The following HBS1L variants were observed in gnomAD, a reference collection of about 807,000 sequenced individuals.
The protein encoded by HBS1L is HBS1-like protein.
HBS1L carries 55 observed loss-of-function variants against 88.9 expected under a neutral mutation model. The ratio of observed to expected loss-of-function variants is 0.62; its 90% CI spans 0.50 to 0.77. The LOEUF (loss-of-function observed/expected upper bound fraction) is 0.77. Ranked by LOEUF, HBS1L falls within the 30% of genes least tolerant of loss-of-function variation. The pLI is 0.00. For synonymous variants in HBS1L, 267 were observed against 288.5 expected (o/e 0.93, Z 0.76); for missense variants, 741 against 829.3 (o/e 0.89, Z 1.31).
At chr6:134,990,046 C>T (rs1286696174) in intron 8 of HBS1L, among the ~76,000 whole-genome samples, 1 of 152,120 alleles carries the variant, frequency 6.6e-6, no homozygotes, top group East Asian at 1.9e-4. Flanking sequence ...AATTGAAAAT[C>T]TTTTTCTCAT....
intron 12 of HBS1L, among the ~76,000 whole-genome samples, chr6:134,984,561 T>C (rs1350756630): frequency 6.6e-6 from 1 of 152,226 alleles, no homozygotes; most frequent in Admixed American, 6.5e-5. Context: ...TCTGCATTGC[T>C]GGCTCTGTGA....
chr6:135,008,561 G>A (rs567757950), intron 4 of HBS1L, among the ~76,000 whole-genome samples: 7 of 152,188 alleles, frequency 4.6e-5, no homozygotes, highest in Non-Finnish European at 8.8e-5. Context: ...TCCTTCCTGC[G>A]GCTAAGATCT....
intron 4 of HBS1L, among the ~76,000 whole-genome samples, chr6:135,031,305 C>A (rs6919862): frequency 0.47 from 71,124 of 151,704 alleles, 17,135 homozygotes; most frequent in South Asian, 0.56. Flanking sequence ...GAGAGGCTCA[C>A]AGGAACCTAC....
intron 3 of HBS1L, among the ~76,000 whole-genome samples, chr6:135,040,209 CT>C (rs1358079459): frequency 6.6e-6 from 1 of 152,068 alleles, no homozygotes; most frequent in Non-Finnish European, 1.5e-5. Flanking sequence ...CTTAAGTTTC[CT>C]TTTTGGCTAA....
In HBS1L at chr6:135,039,746, T is replaced by C. The variant is rs534774688; in HGVS notation, c.257A>G (p.Asp86Gly). Residue 86 changes from aspartate (D) to glycine (G), a missense_variant, in exon 4 of 18, where the codon GAT becomes GGT. Physicochemically the swap from Asp to Gly is moderately conservative, Grantham distance 94. Around this residue, in one of 3 missense-constraint regions of HBS1L, gnomAD observed 556 missense variants for 598.4 expected, o/e 0.93. Coordinates refer to ENST00000367837, the MANE Select transcript of HBS1L (RefSeq NM_006620.4). Reference sequence around the variant, plus strand: ...ATCTCCAAGTACCTCTCTCATGTGATCAAGGCATGAATAAAGACGAGCTAG... The same window carrying C: ...ATCTCCAAGTACCTCTCTCATGTGACCAAGGCATGAATAAAGACGAGCTAG... ...FDQARLYSCL[D>G]HMREVLGDAV... The C allele has an allele frequency of 2.5e-5, 40 of 1,613,220 alleles. No homozygotes were observed. In the East Asian group the frequency reaches 8.2e-4, roughly 33 times the overall value.
At chr6:135,017,471 T>C (rs1442595715) in intron 4 of HBS1L, among the ~76,000 whole-genome samples, 2 of 152,130 alleles carry the variant, frequency 1.3e-5, no homozygotes, top group Admixed American at 1.3e-4. Flanking sequence ...GTAATTTCAA[T>C]TTTAATTAGT....
Position 135,048,706 on chromosome 6 carries a change from T to C in HBS1L, c.109+1876A>G, listed in dbSNP as rs574013975. On this transcript the variant is annotated intron_variant, in intron 2 of 17. Transcript: ENST00000367837. ...CATTATTTGTTCTATAATACCTCAT[T>C]AACAACTTTTGATGTTAAATGTTCT... Among the ~76,000 whole-genome samples the C allele has an allele frequency of 7.9e-5, 12 of 152,346 alleles. No individual in the cohort carries two copies. In the South Asian group the frequency reaches 2.3e-3, roughly 29 times the overall value.
In HBS1L at chr6:135,039,589, T is replaced by C. The variant is rs765453204; in HGVS notation, c.414A>G (p.Thr138=). ...AAGGCATACCTTTTGCTATCTTTCCTGTAGATACTGTTGCCTCATTCTTGT... is the reference window on the plus strand; with the variant it reads ...AAGGCATACCTTTTGCTATCTTTCCCGTAGATACTGTTGCCTCATTCTTGT... ...LKDKNEATVS[T]GKIAKGKPVD... Residue 138 remains threonine (T), a synonymous_variant, in exon 4 of 18, where the codon ACA becomes ACG. Transcript: ENST00000367837. 1.2e-6 allele frequency: 2 copies of C among 1,613,992 alleles called. No individual in the cohort carries two copies. Among genetic ancestry groups the C allele is most frequent in the Non-Finnish European group, 1.7e-6 (2 of 1,179,922 alleles).
chr6:134,991,807 T>C (rs11154790), intron 8 of HBS1L, among the ~76,000 whole-genome samples: 74,134 of 152,084 alleles, frequency 0.49, 18,200 homozygotes, highest in South Asian at 0.56. Context: ...CAGTGGCTCA[T>C]GCCTGTAATC....
chr6:134,982,336 T>A, intron 13 of HBS1L, 122 bp downstream of exon 13: 1 of 628,078 alleles, frequency 1.6e-6, no homozygotes, highest in Non-Finnish European at 2.9e-6. Context: ...AGTATCATTT[T>A]GACAGTCAGT....
intron 8 of HBS1L, among the ~76,000 whole-genome samples, chr6:134,993,171 A>G (rs1023898687): frequency 1.3e-5 from 2 of 152,194 alleles, no homozygotes. Flanking sequence ...AAACTCAAAT[A>G]TGTTCACAAA....
At chr6:134,989,839 T>A (rs1035018860) in intron 8 of HBS1L, among the ~76,000 whole-genome samples, 9 of 152,204 alleles carry the variant, frequency 5.9e-5, no homozygotes, top group Non-Finnish European at 1.3e-4. Context: ...TAGATTAGAA[T>A]AAGCATACAA....
chr6:135,024,617 C>T (rs946636078), intron 4 of HBS1L, among the ~76,000 whole-genome samples: 1 of 150,062 alleles, frequency 6.7e-6, no homozygotes, highest in African/African-American at 2.4e-5. Context: ...GATTATTCCA[C>T]AATTTTATTA....
intron 4 of HBS1L, among the ~76,000 whole-genome samples, chr6:135,011,556 G>C (rs1448826207): frequency 6.6e-6 from 1 of 152,112 alleles, no homozygotes. Flanking sequence ...GATACCACAA[G>C]TGAGCATAAA....
chr6:134,993,343 C>G (rs954726806), intron 8 of HBS1L, among the ~76,000 whole-genome samples: 2 of 152,102 alleles, frequency 1.3e-5, no homozygotes, highest in Non-Finnish European at 1.5e-5. Flanking sequence ...AAATAAACCA[C>G]TGGGCGAAAA....
At position 135,037,104 on chromosome 6, in the gene HBS1L, A is replaced by C. The variant is rs548603092; in HGVS notation, c.430+2469T>G. The C allele has an allele frequency of 3.9e-6, 6 of 1,551,608 alleles. No individual in the cohort carries two copies. In the African/African-American group the frequency reaches 8.2e-5, roughly 21 times the overall value. ...CTGCAATCAATTCAGAAAGTGACAAATTCTCAAGGTCTCTTGTGGGAGAAG... is the reference window on the plus strand; with the variant it reads ...CTGCAATCAATTCAGAAAGTGACAACTTCTCAAGGTCTCTTGTGGGAGAAG... On this transcript the variant is annotated intron_variant, in intron 4 of 17. Transcript: ENST00000367837.
chr6:134,973,771 G>A (rs1051597837), intron 15 of HBS1L, among the ~76,000 whole-genome samples: 1 of 151,930 alleles, frequency 6.6e-6, no homozygotes, highest in Non-Finnish European at 1.5e-5. Context: ...AGGAGGCAGA[G>A]GTTTCAGTGA....
At chr6:135,039,490 T>C (rs1776660047) in intron 4 of HBS1L, 83 bp downstream of exon 4, 1 of 1,108,934 alleles carries the variant, frequency 9.0e-7, no homozygotes, top group Admixed American at 2.3e-5. Flanking sequence ...ATTAAATATT[T>C]TCTTAAAAGC....
At chr6:135,002,364 T>G (rs1301840034) in intron 5 of HBS1L, among the ~76,000 whole-genome samples, 1 of 152,174 alleles carries the variant, frequency 6.6e-6, no homozygotes, top group Non-Finnish European at 1.5e-5. Flanking sequence ...AAAATTTAAT[T>G]AATGATTCCA....
Sources: allele counts gnomAD v4.1 joint callset (sites outside exome capture counted in the v4.1 genomes callset), GRCh38; gene constraint gnomAD v4.1.1; regional missense constraint gnomAD v4.1.1; transcripts MANE v1.5; gene names NCBI Gene and HGNC (gene_info 2026-07-23, HGNC 2026-07-21).